IFI44L: variants seen among roughly 807,000 people sequenced by gnomAD.
IFI44L encodes interferon induced protein 44 like, also known as interferon-induced protein 44-like.
In IFI44L, 40 loss-of-function variants were observed where a neutral mutation model predicts 39.3. The observed-to-expected ratio is 1.02, with a 90% CI of 0.79 to 1.33. The LOEUF (loss-of-function observed/expected upper bound fraction) is 1.33. Ranked by LOEUF, IFI44L falls within the 40% of genes most tolerant of loss-of-function variation. The probability of loss-of-function intolerance (pLI) is 0.00; values close to 1 mark genes in which losing one functional copy is unlikely to be tolerated. For missense variants in IFI44L, 623 were observed against 549.0 expected (o/e 1.13, Z -1.35); for synonymous variants, 198 against 182.3 (o/e 1.09, Z -0.69).
chr1:78,637,618 C>T (rs993098281), intron 6 of IFI44L, among the ~76,000 whole-genome samples: 4 of 152,138 alleles, frequency 2.6e-5, no homozygotes, highest in African/African-American at 7.2e-5. Flanking sequence ...ATGGCACCCA[C>T]TATTCCTCCA....
Position 78,642,066 on chromosome 1 carries a change from G to A in IFI44L, c.*257G>A. On this transcript the variant is annotated 3_prime_UTR_variant, in exon 9 of 9. Transcript: ENST00000370751. ...GTGACATCTTTTTAAACCACTGGAG[G>A]AAAAATGAGATATTCTCTAATTTAT... The A allele has an allele frequency of 1.8e-6, 1 of 551,284 alleles. No individual in the cohort carries two copies. Among genetic ancestry groups the A allele is most frequent in the Non-Finnish European group, 3.2e-6 (1 of 311,212 alleles). 34.1% of individuals were successfully genotyped at this position (551,284 alleles called of 1,614,324 possible).
intron 1 of IFI44L, among the ~76,000 whole-genome samples, chr1:78,621,478 G>A (rs1318760686): frequency 6.6e-6 from 1 of 152,014 alleles, no homozygotes; most frequent in East Asian, 1.9e-4. Flanking sequence ...CACCATGTTG[G>A]CCAGGCTGGT....
At chr1:78,628,435 T>C in intron 2 of IFI44L, 42 bp downstream of exon 2, 3 of 1,146,098 alleles carry the variant, frequency 2.6e-6, no homozygotes, top group Middle Eastern at 3.0e-4. Flanking sequence ...ATTATGATTC[T>C]AATCCTTGTG....
intron 7 of IFI44L, 86 bp downstream of exon 7, chr1:78,641,207 A>T (rs1646979351): frequency 9.9e-7 from 1 of 1,013,098 alleles, no homozygotes; most frequent in Non-Finnish European, 1.5e-6. Flanking sequence ...GTACGTGTAT[A>T]TGTGCTTACA....
Position 78,624,494 on chromosome 1 carries a change from A to G in IFI44L, c.-10-3412A>G, listed in dbSNP as rs114490327. ...GTTAAGACTTGTTTTTTGACCTAAC[A>G]TGTAATCTATCCTGGAGAACGCTCC... is the stretch of plus-strand genomic sequence containing the variant. On this transcript the variant is annotated intron_variant, in intron 1 of 8. Coordinates refer to ENST00000370751, the MANE Select transcript of IFI44L (RefSeq NM_006820.4). 6.5e-3 allele frequency among the ~76,000 whole-genome samples: 996 copies of G among 152,278 alleles called. 13 individuals carry two copies. The highest frequency in any genetic ancestry group is 0.023 in the African/African-American group (937 of 41,570).
intron 6 of IFI44L, among the ~76,000 whole-genome samples, chr1:78,637,407 C>T (rs1652989953): frequency 6.6e-6 from 1 of 151,886 alleles, no homozygotes; most frequent in African/African-American, 2.4e-5. Flanking sequence ...ATAGACTGGC[C>T]AACCATTTTT....
rs373770429 is a variant in IFI44L, at chr1:78,644,751, T to A, written c.*2942T>A. Reference sequence around the variant, plus strand: ...CTTAGAAAAATAGTGCTAAGGAGTATAGCAGATGACCTATATGTGTGTTGG... The same window carrying A: ...CTTAGAAAAATAGTGCTAAGGAGTAAAGCAGATGACCTATATGTGTGTTGG... On this transcript the variant is annotated 3_prime_UTR_variant, in exon 9 of 9. Coordinates refer to ENST00000370751, the MANE Select transcript of IFI44L (RefSeq NM_006820.4). 1 of 152,198 alleles carries A rather than the reference T, an allele frequency of 6.6e-6. No homozygotes were observed. Among genetic ancestry groups the A allele is most frequent in the East Asian group, 1.9e-4 (1 of 5,194 alleles). 9.4% of individuals were successfully genotyped at this position (152,198 alleles called of 1,614,324 possible).
chr1:78,623,278 T>C (rs273242), intron 1 of IFI44L, among the ~76,000 whole-genome samples: 6,689 of 152,220 alleles, frequency 0.044, 228 homozygotes, highest in East Asian at 0.1. Flanking sequence ...TTGTACTTTA[T>C]CTTAGAGGAA....
rs1427178630 is a variant in IFI44L, at chr1:78,642,899, A to G, written c.*1090A>G. The G allele has an allele frequency of 2.0e-5, 3 of 152,230 alleles. No individual in the cohort carries two copies. Among genetic ancestry groups the G allele is most frequent in the Middle Eastern group, 3.4e-3 (1 of 294 alleles). The allele number at this position is 152,230 out of a possible 1,614,324, so 9.4% of individuals were successfully genotyped here. On this transcript the variant is annotated 3_prime_UTR_variant, in exon 9 of 9. Transcript: ENST00000370751. Reference sequence around the variant, plus strand: ...AATCAGTAAGAAAGTTCTTATATTTATGCTCCAAATAATTCTGAAGTCCTC... The same window carrying G: ...AATCAGTAAGAAAGTTCTTATATTTGTGCTCCAAATAATTCTGAAGTCCTC...
intron 4 of IFI44L, among the ~76,000 whole-genome samples, chr1:78,632,034 A>C (rs1019785264): frequency 3.3e-5 from 5 of 152,162 alleles, no homozygotes. Context: ...CAGTGTGATA[A>C]AATGGGAAGT....
At chr1:78,626,650 T>C (rs1173607961) in intron 1 of IFI44L, 1 of 152,062 alleles carries the variant, frequency 6.6e-6, no homozygotes, top group African/African-American at 2.4e-5. Flanking sequence ...TTCCAGTTCA[T>C]ACTTCTTCCC....
chr1:78,635,609 T>C (rs1652920931), intron 5 of IFI44L, 120 bp downstream of exon 5: 12 of 787,246 alleles, frequency 1.5e-5, no homozygotes, highest in Middle Eastern at 2.5e-4. Flanking sequence ...CAATCAACAC[T>C]ATTCTACTTT....
chr1:78,630,984 C>T (rs1399164645), intron 4 of IFI44L, among the ~76,000 whole-genome samples: 1 of 152,066 alleles, frequency 6.6e-6, no homozygotes, highest in African/African-American at 2.4e-5. Flanking sequence ...ATCTCAGAGA[C>T]CAATGCAGAT....
chr1:78,641,209 G>C, intron 7 of IFI44L, 88 bp downstream of exon 7: 3 of 999,882 alleles, frequency 3.0e-6, no homozygotes, highest in Non-Finnish European at 4.7e-6. Flanking sequence ...ACGTGTATAT[G>C]TGCTTACAGA....
At chr1:78,641,319 G>A (rs896173466) in intron 7 of IFI44L, 116 bp from the exon 8 acceptor site, 18 of 989,614 alleles carry the variant, frequency 1.8e-5, no homozygotes, top group South Asian at 1.1e-4. Context: ...TGTATGTTCC[G>A]AAGATAACTT....
intron 7 of IFI44L, 141 bp from the exon 8 acceptor site, chr1:78,641,294 A>G: frequency 1.1e-6 from 1 of 883,282 alleles, no homozygotes; most frequent in Non-Finnish European, 1.7e-6. Context: ...TTAAAACTGC[A>G]ATGATCTGAA....
At chr1:78,634,293 CA>C (rs1652859242) in intron 4 of IFI44L, among the ~76,000 whole-genome samples, 1 of 151,894 alleles carries the variant, frequency 6.6e-6, no homozygotes, top group East Asian at 1.9e-4. Context: ...TGTAAAATAT[CA>C]AAGACAAAGA....
Position 78,642,927 on chromosome 1 carries a change from A to C in IFI44L, c.*1118A>C, listed in dbSNP as rs933871164. On this transcript the variant is annotated 3_prime_UTR_variant, in exon 9 of 9. Coordinates refer to ENST00000370751, the MANE Select transcript of IFI44L (RefSeq NM_006820.4). Reference sequence around the variant, plus strand: ...CTCCAAATAATTCTGAAGTCCTCTTACTAGCTGTGAAAGCTAGTACTATTA... The same window carrying C: ...CTCCAAATAATTCTGAAGTCCTCTTCCTAGCTGTGAAAGCTAGTACTATTA... The C allele has an allele frequency of 6.6e-6, 1 of 152,084 alleles. No individual in the cohort carries two copies. Among genetic ancestry groups the C allele is most frequent in the African/African-American group, 2.4e-5 (1 of 41,448 alleles). 9.4% of individuals were successfully genotyped at this position (152,084 alleles called of 1,614,324 possible). A position where few individuals can be genotyped will look rare whatever the true frequency, so the allele number is the denominator to read the frequency against.
At chr1:78,621,430 C>A (rs1401254931) in intron 1 of IFI44L, among the ~76,000 whole-genome samples, 1 of 151,978 alleles carries the variant, frequency 6.6e-6, no homozygotes, top group African/African-American at 2.4e-5. Context: ...CACCAGCATG[C>A]CTGGCTAATT....
Sources: allele counts gnomAD v4.1 joint callset (sites outside exome capture counted in the v4.1 genomes callset), GRCh38; gene constraint gnomAD v4.1.1; transcripts MANE v1.5; gene names NCBI Gene and HGNC (gene_info 2026-07-23, HGNC 2026-07-21).